Variants in CMTM4 observed in about 807,000 individuals in gnomAD.
CMTM4 encodes CKLF-like MARVEL transmembrane domain-containing protein 4.
In CMTM4, 8 loss-of-function variants were observed where a neutral mutation model predicts 19.0. That is an observed-to-expected ratio of 0.42 (90% CI 0.25 to 0.76). The LOEUF (loss-of-function observed/expected upper bound fraction) is 0.76. CMTM4 is among the 30% of genes least tolerant of loss of function. The pLI is 0.27. For missense variants in CMTM4, 228 were observed against 290.2 expected, an observed-to-expected ratio of 0.79 and a Z score of 1.56; for synonymous variants, 106 against 121.1, an observed-to-expected ratio of 0.88 and a Z score of 0.82.
intron 2 of CMTM4, among the ~76,000 whole-genome samples, chr16:66,627,968 GAGA>G (rs1252542695): frequency 6.6e-6 from 1 of 152,142 alleles, no homozygotes; most frequent in Non-Finnish European, 1.5e-5. Context: ...TGATAATAGG[GAGA>G]AGGTCAGCAA....
the CMTM4 span, among the ~76,000 whole-genome samples, chr16:66,602,163 G>C: frequency 5.9e-5 from 9 of 152,250 alleles, 1 homozygote; most frequent in Non-Finnish European, 4.4e-5. Context: ...TTGGGAGGCC[G>C]AGGCGGGAAG....
chr16:66,599,450 T>C, the CMTM4 span, among the ~76,000 whole-genome samples: 1 of 152,102 alleles, frequency 6.6e-6, no homozygotes, highest in Non-Finnish European at 1.5e-5. Context: ...TTTTTTTTCA[T>C]GGAGACATGA....
At chr16:66,602,602 A>G in the CMTM4 span, among the ~76,000 whole-genome samples, 1 of 151,714 alleles carries the variant, frequency 6.6e-6, no homozygotes, top group East Asian at 2.0e-4. Context: ...GCTGGAGTGC[A>G]GTGGTGCGAT....
chr16:66,676,308 G>A (rs1181054871), intron 1 of CMTM4, among the ~76,000 whole-genome samples: 1 of 152,058 alleles, frequency 6.6e-6, no homozygotes, highest in Non-Finnish European at 1.5e-5. Context: ...TCCAAAAAAC[G>A]CCTAAGGCTC....
In CMTM4 at chr16:66,631,009, A is replaced by G. The variant is rs563609599; in HGVS notation, c.363+5396T>C. Among the ~76,000 whole-genome samples the G allele has an allele frequency of 9.0e-5, 12 of 133,552 alleles. No homozygotes were observed. In the East Asian group the frequency reaches 2.7e-3, roughly 30 times the overall value. The allele number at this position is 133,552 out of a possible 152,430, so 87.6% of individuals were successfully genotyped here. On this transcript the variant is annotated intron_variant, in intron 2 of 3. Transcript: ENST00000394106. ...GCTGCCCCGTCTGAGAAGTGAGGAGACCCTCCGCCCGGCGGCCGCCCCATC... is the reference window on the plus strand; with the variant it reads ...GCTGCCCCGTCTGAGAAGTGAGGAGGCCCTCCGCCCGGCGGCCGCCCCATC...
intron 1 of CMTM4, among the ~76,000 whole-genome samples, chr16:66,685,960 A>G (rs1202970912): frequency 6.6e-6 from 1 of 152,146 alleles, no homozygotes; most frequent in Admixed American, 6.5e-5. Flanking sequence ...TCTAATTAAG[A>G]ACAAAGTTCT....
At chr16:66,654,423 G>C (rs996190568) in intron 1 of CMTM4, among the ~76,000 whole-genome samples, 1 of 152,034 alleles carries the variant, frequency 6.6e-6, no homozygotes, top group African/African-American at 2.4e-5. Flanking sequence ...GCCTTCTCAT[G>C]AAACACATGC....
chr16:66,630,870 C>T (rs1473965259), intron 2 of CMTM4, among the ~76,000 whole-genome samples: 4 of 149,364 alleles, frequency 2.7e-5, no homozygotes, highest in Non-Finnish European at 4.5e-5. Flanking sequence ...TCTGCCCGGC[C>T]GCCCATCGTC....
chr16:66,634,018 C>T (rs1333999795), intron 2 of CMTM4, among the ~76,000 whole-genome samples: 3 of 152,110 alleles, frequency 2.0e-5, no homozygotes, highest in Non-Finnish European at 4.4e-5. Flanking sequence ...AGGAAAAGAA[C>T]GAGTATCAAC....
At chr16:66,662,084 T>C (rs1417083425) in intron 1 of CMTM4, among the ~76,000 whole-genome samples, 1 of 151,916 alleles carries the variant, frequency 6.6e-6, no homozygotes, top group Non-Finnish European at 1.5e-5. Flanking sequence ...TATCAGACAA[T>C]AAAAACAGAC....
intron 1 of CMTM4, among the ~76,000 whole-genome samples, chr16:66,666,621 C>T (rs1228659765): frequency 6.6e-6 from 1 of 152,092 alleles, no homozygotes; most frequent in Non-Finnish European, 1.5e-5. Context: ...GGTTCTTCAC[C>T]TAAGAGATGG....
At chr16:66,612,646 C>T (rs201174505), downstream of CMTM4, 157 of 1,613,788 alleles carry the variant, frequency 9.7e-5, no homozygotes, top group East Asian at 3.6e-4. The surrounding 1 kb of genome is among the most constrained non-coding windows in gnomAD (Gnocchi z 6.0). Flanking sequence ...GAAGGCCTGG[C>T]GGGTGCCTTG....
Position 66,619,662 on chromosome 16 carries a change from T to C in CMTM4, c.*2396A>G. ...AACCCTATTCCCTCCAGAACTTTCG[T>C]CACCACGTGGTCTATACATGATGAC... is the stretch of plus-strand genomic sequence containing the variant. On this transcript the variant is annotated 3_prime_UTR_variant, in exon 4 of 4. Transcript: ENST00000394106. 1 of 985,374 alleles carries C rather than the reference T, an allele frequency of 1.0e-6. No individual in the cohort carries two copies. The highest frequency in any genetic ancestry group is 1.2e-6 in the Non-Finnish European group (1 of 829,928). 61.0% of individuals were successfully genotyped at this position (985,374 alleles called of 1,614,324 possible).
chr16:66,610,744 T>C (rs1001547184), downstream of CMTM4: 3 of 398,154 alleles, frequency 7.5e-6, no homozygotes, highest in African/African-American at 4.1e-5. The surrounding 1 kb of genome is among the most constrained non-coding windows in gnomAD (Gnocchi z 4.6). Context: ...GCTGGACAGG[T>C]AGACAAGGGC....
chr16:66,609,980 A>C (rs1386193351), downstream of CMTM4: 7 of 1,614,088 alleles, frequency 4.3e-6, no homozygotes, highest in Non-Finnish European at 5.9e-6. The surrounding 1 kb of genome is among the most constrained non-coding windows in gnomAD (Gnocchi z 4.4). Context: ...TCTGCAGATG[A>C]GACCACAGCC....
chr16:66,673,726 A>T (rs1244914510), intron 1 of CMTM4, among the ~76,000 whole-genome samples: 1 of 152,218 alleles, frequency 6.6e-6, no homozygotes, highest in Non-Finnish European at 1.5e-5. Context: ...ACTTTAAAAC[A>T]CAGTATTTTC....
chr16:66,691,744 A>AT (rs2017139863), intron 1 of CMTM4, among the ~76,000 whole-genome samples: 2 of 152,174 alleles, frequency 1.3e-5, no homozygotes, highest in Admixed American at 6.5e-5. Context: ...GCACCGTTTA[A>AT]TTTTTTCATA....
At chr16:66,672,390 T>C (rs929738691) in intron 1 of CMTM4, among the ~76,000 whole-genome samples, 2 of 139,876 alleles carry the variant, frequency 1.4e-5, no homozygotes, top group African/African-American at 5.4e-5. Flanking sequence ...GGGAGACAGA[T>C]GGGAGGAGAC....
At chr16:66,674,387 C>T (rs1255308656) in intron 1 of CMTM4, among the ~76,000 whole-genome samples, 2 of 152,132 alleles carry the variant, frequency 1.3e-5, no homozygotes, top group Non-Finnish European at 2.9e-5. Context: ...GAGACAGGGA[C>T]GGACATGGCC....
Sources: allele counts gnomAD v4.1 joint callset (sites outside exome capture counted in the v4.1 genomes callset), GRCh38; gene constraint gnomAD v4.1.1; non-coding constraint Gnocchi (gnomAD v3.1); transcripts MANE v1.5; gene names NCBI Gene and HGNC (gene_info 2026-07-23, HGNC 2026-07-21).